The following RTN4 variants were observed in gnomAD, a reference collection of about 807,000 sequenced individuals.
The protein encoded by RTN4 is reticulon 4, also known as reticulon-4.
Under a neutral mutation model 90.4 loss-of-function variants are expected in RTN4, and 32 were observed. The observed-to-expected ratio is 0.35, with a 90% CI of 0.27 to 0.48. The LOEUF is 0.48. RTN4 is among the 20% of genes least tolerant of loss of function. The pLI, the probability that RTN4 is intolerant of heterozygous loss-of-function variation, is 0.99. For synonymous variants in RTN4, 629 were observed against 552.5 expected (o/e 1.14, Z -1.94); for missense variants, 1,706 against 1,430.2 (o/e 1.19, Z -3.11).
At position 55,025,088 on chromosome 2, in the gene RTN4, G is replaced by A; in HGVS notation, c.3011C>T (p.Ser1004Leu). Residue 1004 changes from serine to leucine, a missense_variant and splice_region_variant, in exon 3 of 9, where the codon TCA (serine) becomes TTA (leucine). Transcript: ENST00000337526. ...AAACTGCATATAGATTGGATTACCT[G>A]AAGTTTTACTCAGCTCTGCTGAAAA... is the stretch of plus-strand genomic sequence containing the variant. Reference protein sequence around the residue: ...AIFSAELSKTSVVDLLYWRDI... With the variant: ...AIFSAELSKTLVVDLLYWRDI... The A allele has an allele frequency of 6.3e-7, 1 of 1,594,586 alleles. No individual in the cohort carries two copies. Among genetic ancestry groups the A allele is most frequent in the Non-Finnish European group, 8.5e-7 (1 of 1,170,684 alleles).
chr2:55,051,208 G>T (rs1244171204), upstream of RTN4, among the ~76,000 whole-genome samples: 1 of 152,190 alleles, frequency 6.6e-6, no homozygotes, highest in Non-Finnish European at 1.5e-5. Context: ...TTGAAAGTCT[G>T]CTCTTCTTCC....
chr2:55,085,677 G>A (rs1668824232), intron 1 of RTN4, among the ~76,000 whole-genome samples: 1 of 152,134 alleles, frequency 6.6e-6, no homozygotes, highest in African/African-American at 2.4e-5. Flanking sequence ...ACATAAAAAT[G>A]AATCATATTA....
Position 55,025,778 on chromosome 2 carries a change from G to A in RTN4, c.2321C>T (p.Thr774Ile). 1 of 1,613,498 alleles carries A rather than the reference G, an allele frequency of 6.2e-7. No individual in the cohort carries two copies. The change falls in exon 3 of 9, where the codon ACT (threonine) becomes ATT (isoleucine). Residue 774 changes from threonine to isoleucine, a missense_variant. By Grantham distance (89) the Thr-to-Ile change is moderately conservative (BLOSUM62 -1). Transcript: ENST00000337526. ...ATATTCTATCATTGACTCAAATGAAGTCTCAGTGAGACTTTCTTTCACAAG... is the reference window on the plus strand; with the variant it reads ...ATATTCTATCATTGACTCAAATGAAATCTCAGTGAGACTTTCTTTCACAAG... Reference protein sequence around the residue: ...VMLVKESLTETSFESMIEYEN... With the variant: ...VMLVKESLTEISFESMIEYEN...
chr2:55,025,329 T>C lies in RTN4; in HGVS notation c.2770A>G (p.Ile924Val), dbSNP rs2104857044. Reference sequence around the variant, plus strand: ...ATTTTCTCTTCAACTTTGGGTTGTATGTTCTTCAAAGAAAGGTCATGGGGC... The same window carrying C: ...ATTTTCTCTTCAACTTTGGGTTGTACGTTCTTCAAAGAAAGGTCATGGGGC... ...ELPHDLSLKN[I>V]QPKVEEKISF... The change falls in exon 3 of 9, where the codon ATA becomes GTA. Residue 924 changes from isoleucine to valine, a missense_variant. Ile to Val is a conservative substitution (Grantham distance 29). Transcript: ENST00000337526. The C allele has an allele frequency of 6.2e-7, 1 of 1,613,972 alleles. No individual in the cohort carries two copies.
the RTN4 span, among the ~76,000 whole-genome samples, chr2:55,123,634 T>C: frequency 2.6e-5 from 4 of 152,116 alleles, no homozygotes; most frequent in South Asian, 4.2e-4. Context: ...AGATATCACA[T>C]TGATAATTAT....
intron 3 of RTN4, among the ~76,000 whole-genome samples, chr2:54,997,747 A>C (rs1005777002): frequency 4.6e-5 from 7 of 152,184 alleles, no homozygotes; most frequent in South Asian, 2.1e-4. Flanking sequence ...CCTGCAGTCA[A>C]CCACAGTTAA....
intron 2 of RTN4, among the ~76,000 whole-genome samples, chr2:55,073,963 T>C (rs1668558049): frequency 6.6e-6 from 1 of 152,168 alleles, no homozygotes. Flanking sequence ...CGTTGCAAGG[T>C]GGCATTCACT....
intron 2 of RTN4, among the ~76,000 whole-genome samples, chr2:55,067,093 C>T (rs1440369602): frequency 6.6e-6 from 1 of 152,088 alleles, no homozygotes; most frequent in Non-Finnish European, 1.5e-5. Context: ...AGTTTCTGAA[C>T]CTATAAATTA....
intron 1 of RTN4, among the ~76,000 whole-genome samples, chr2:55,111,993 T>C (rs569218093): frequency 3.7e-4 from 56 of 152,250 alleles, no homozygotes; most frequent in African/African-American, 1.2e-3. Context: ...AATGAGTCTC[T>C]GGGGATCCTG....
At chr2:54,994,849 A>G (rs1679290464) in intron 3 of RTN4, among the ~76,000 whole-genome samples, 2 of 152,242 alleles carry the variant, frequency 1.3e-5, no homozygotes, top group African/African-American at 4.8e-5. Flanking sequence ...CTGCAACTTT[A>G]AGTGAAATGA....
Position 55,026,778 on chromosome 2 carries a change from T to C in RTN4, c.1321A>G (p.Ser441Gly), listed in dbSNP as rs1681916896. Residue 441 changes from serine to glycine, a missense_variant, in exon 3 of 9, where the codon AGT (serine) becomes GGT (glycine). Transcript: ENST00000337526. The part of the protein sequence containing the change: ...QTNHEKDSES[S>G]NDDTSFPSTP... Reference sequence around the variant, plus strand: ...CTGGGGAAAGAAGTATCATCATTACTACTCTCACTATCTTTTTCGTGATTA... The same window carrying C: ...CTGGGGAAAGAAGTATCATCATTACCACTCTCACTATCTTTTTCGTGATTA... 1.2e-6 allele frequency: 2 copies of C among 1,613,988 alleles called. No individual in the cohort carries two copies. The highest frequency in any genetic ancestry group is 8.5e-7 in the Non-Finnish European group (1 of 1,179,900).
At chr2:55,085,977 G>C (rs1668829977) in intron 1 of RTN4, among the ~76,000 whole-genome samples, 1 of 152,172 alleles carries the variant, frequency 6.6e-6, no homozygotes. Flanking sequence ...AGAATACTCT[G>C]ACACATCAAA....
At chr2:55,030,127 G>C (rs1682197515) in intron 1 of RTN4, among the ~76,000 whole-genome samples, 1 of 152,062 alleles carries the variant, frequency 6.6e-6, no homozygotes, top group Admixed American at 6.6e-5. Flanking sequence ...AAGTGAACTA[G>C]AAACATATAT....
At chr2:55,020,621 C>A (rs1476575808) in intron 3 of RTN4, among the ~76,000 whole-genome samples, 8 of 152,106 alleles carry the variant, frequency 5.3e-5, no homozygotes, top group Non-Finnish European at 7.4e-5. Context: ...AATAAAGCAC[C>A]ATCTGCATCA....
At chr2:55,127,342 G>A in the RTN4 span, among the ~76,000 whole-genome samples, 115 of 152,302 alleles carry the variant, frequency 7.6e-4, no homozygotes, top group African/African-American at 2.7e-3. Context: ...CGCTTGGGCA[G>A]CTTTCATAAG....
At chr2:55,115,984 C>T (rs1011279454), upstream of RTN4, among the ~76,000 whole-genome samples, 1 of 151,852 alleles carries the variant, frequency 6.6e-6, no homozygotes. Flanking sequence ...AAAGTGACAG[C>T]AAAGACCCTC....
At chr2:55,066,719 A>C (rs1362036390) in intron 2 of RTN4, among the ~76,000 whole-genome samples, 1 of 151,622 alleles carries the variant, frequency 6.6e-6, no homozygotes, top group African/African-American at 2.4e-5. Context: ...TAAATAAATA[A>C]ATAAATAAAT....
chr2:55,024,384 A>T (rs558836167), intron 3 of RTN4, among the ~76,000 whole-genome samples: 1 of 152,176 alleles, frequency 6.6e-6, no homozygotes, highest in South Asian at 2.1e-4. Context: ...ACTTAAATAC[A>T]TAAGTATATT....
At chr2:55,077,756 T>TACACACACACAC (rs200121610) in intron 2 of RTN4, among the ~76,000 whole-genome samples, 1,625 of 144,434 alleles carry the variant, frequency 0.011, 19 homozygotes, top group African/African-American at 0.023. Flanking sequence ...AAATGTTTTA[T>TACACACACACAC]ACACACACAC....
Sources: allele counts gnomAD v4.1 joint callset (sites outside exome capture counted in the v4.1 genomes callset), GRCh38; gene constraint gnomAD v4.1.1; transcripts MANE v1.5; gene names NCBI Gene and HGNC (gene_info 2026-07-23, HGNC 2026-07-21).